UHRF2: variants seen among roughly 807,000 people sequenced by gnomAD.
UHRF2 encodes the protein E3 ubiquitin-protein ligase UHRF2.
UHRF2 carries 23 observed loss-of-function variants against 96.8 expected under a neutral mutation model. The ratio of observed to expected loss-of-function variants is 0.24; its 90% confidence interval spans 0.17 to 0.34. UHRF2 has a LOEUF of 0.34. Ranked by LOEUF, UHRF2 falls within the 10% of genes least tolerant of loss-of-function variation. The pLI is 1.00. For missense variants in UHRF2, 685 were observed against 981.5 expected, an observed-to-expected ratio of 0.70 and a Z score of 4.04; for synonymous variants, 385 against 332.6, an observed-to-expected ratio of 1.16 and a Z score of -1.72.
At chr9:6,460,291 A>G (rs1229936819) in intron 3 of UHRF2, among the ~76,000 whole-genome samples, 1 of 152,180 alleles carries the variant, frequency 6.6e-6, no homozygotes, top group Non-Finnish European at 1.5e-5. Flanking sequence ...CGGGCTGAAC[A>G]CTTACTTGCC....
chr9:6,417,529 A>G (rs1217348853), intron 1 of UHRF2, among the ~76,000 whole-genome samples: 1 of 152,218 alleles, frequency 6.6e-6, no homozygotes, highest in Non-Finnish European at 1.5e-5. Flanking sequence ...TTTCAAGTAA[A>G]TCATCTCAAC....
chr9:6,482,402 A>T (rs937323170), intron 8 of UHRF2, among the ~76,000 whole-genome samples: 1 of 152,198 alleles, frequency 6.6e-6, no homozygotes, highest in Admixed American at 6.5e-5. Flanking sequence ...TTGAAATATT[A>T]AACTTGAATC....
Position 6,413,587 on chromosome 9 carries a change from TG to T in UHRF2, c.100del (p.Ala34ArgfsTer32). 1 of 1,602,426 alleles carries T rather than the reference TG, an allele frequency of 6.2e-7. No homozygotes were observed. Among genetic ancestry groups the T allele is most frequent in the South Asian group, 1.1e-5 (1 of 89,654 alleles). ...ATIEELRERV[W>X]ALFDVRPECQ... ...GATTGAGGAGCTGCGCGAGCGGGTG[TG>T]GGCGCTGTTCGACGTGCGGCCCGAA... On this transcript the variant is annotated frameshift_variant, in exon 1 of 16. Transcript: ENST00000276893. LOFTEE classifies it high-confidence loss of function.
Position 6,428,533 on chromosome 9 carries a change from C to CTTTTTTTTTTTTT in UHRF2, c.385-5355_385-5343dup, listed in dbSNP as rs1171172143. Among the ~76,000 whole-genome samples the CTTTTTTTTTTTTT allele has an allele frequency of 6.7e-4, 44 of 65,420 alleles. 4 individuals carry two copies. The highest frequency in any genetic ancestry group is 8.7e-4 in the African/African-American group (13 of 15,004). 42.9% of individuals were successfully genotyped at this position (65,420 alleles called of 152,430 possible). On this transcript the variant is annotated intron_variant, in intron 2 of 15. Coordinates refer to ENST00000276893, the MANE Select transcript of UHRF2 (RefSeq NM_152896.3). Reference sequence around the variant, plus strand: ...TGTAAATGGAACCATATTGCTTTTGCTTTTTTTTTTTTTTTTTTTTTTTTT... The same window carrying CTTTTTTTTTTTTT: ...TGTAAATGGAACCATATTGCTTTTGCTTTTTTTTTTTTTTTTTTTTTTTTTTTTTTTTTTTTTT...
At chr9:6,421,437 G>T (rs1226303398) in intron 2 of UHRF2, among the ~76,000 whole-genome samples, 1 of 152,150 alleles carries the variant, frequency 6.6e-6, no homozygotes, top group Non-Finnish European at 1.5e-5. Flanking sequence ...TTTGATAACG[G>T]AGGCTTGCTC....
chr9:6,497,039 T>TG (rs1825013361), intron 10 of UHRF2, 159 bp from the exon 11 acceptor site: 3 of 689,426 alleles, frequency 4.4e-6, no homozygotes, highest in Admixed American at 3.1e-5. Flanking sequence ...TCTCTGCTGG[T>TG]GGGGGAAAGC....
At chr9:6,440,783 C>T (rs1191261720) in intron 3 of UHRF2, among the ~76,000 whole-genome samples, 1 of 152,186 alleles carries the variant, frequency 6.6e-6, no homozygotes, top group Non-Finnish European at 1.5e-5. Context: ...ACTAGTGTTC[C>T]TCAACCCTGG....
At chr9:6,499,779 C>A in intron 12 of UHRF2, 56 bp from the exon 13 acceptor site, 2 of 1,211,894 alleles carry the variant, frequency 1.7e-6, no homozygotes, top group Non-Finnish European at 2.3e-6. Flanking sequence ...ATCTAAACCC[C>A]CCTTCTCTGT....
At chr9:6,472,129 A>G (rs1033794376) in intron 4 of UHRF2, among the ~76,000 whole-genome samples, 1 of 152,178 alleles carries the variant, frequency 6.6e-6, no homozygotes, top group Non-Finnish European at 1.5e-5. Flanking sequence ...GGGTCCCATT[A>G]CAGTTACCGC....
intron 3 of UHRF2, among the ~76,000 whole-genome samples, chr9:6,457,573 C>G (rs1272101627): frequency 6.6e-6 from 1 of 152,158 alleles, no homozygotes; most frequent in Non-Finnish European, 1.5e-5. Context: ...GAGGCCATCC[C>G]TGTCTTGTGC....
intron 2 of UHRF2, among the ~76,000 whole-genome samples, chr9:6,423,667 C>G (rs1352254320): frequency 2.0e-5 from 3 of 149,428 alleles, no homozygotes; most frequent in Non-Finnish European, 4.4e-5. Flanking sequence ...AAGTCTCGGC[C>G]GGGCGTGGTG....
intron 2 of UHRF2, among the ~76,000 whole-genome samples, chr9:6,425,385 C>T (rs1820195584): frequency 6.6e-6 from 1 of 152,172 alleles, no homozygotes; most frequent in Non-Finnish European, 1.5e-5. Context: ...CAACATGCTT[C>T]AGGTACATCT....
intron 11 of UHRF2, among the ~76,000 whole-genome samples, 153 bp from the exon 12 acceptor site, chr9:6,497,865 T>G (rs1340521363): frequency 6.6e-6 from 1 of 152,206 alleles, no homozygotes; most frequent in Non-Finnish European, 1.5e-5. Flanking sequence ...GTCAAAACTG[T>G]TTTAGTGAAT....
rs527314485 is a variant in UHRF2 at position 6,478,665 on chromosome 9, G to C, written c.1160+857G>C. Among the ~76,000 whole-genome samples, 4 of 152,282 alleles carry C rather than the reference G, an allele frequency of 2.6e-5. No individual in the cohort carries two copies. In the East Asian group the frequency reaches 5.8e-4, roughly 22 times the overall value. On this transcript the variant is annotated intron_variant, in intron 6 of 15. Transcript: ENST00000276893. ...ATGTGCCATATTGCTACTGGTGAGC[G>C]TTTTTAAGTAAGACGGACGACTGAG...
Position 6,434,074 on chromosome 9 carries a change from C to A in UHRF2, c.545C>A (p.Ser182Tyr). 6.2e-7 allele frequency: 1 copy of A among 1,614,078 alleles called. No individual in the cohort carries two copies. Among genetic ancestry groups the A allele is most frequent in the Non-Finnish European group, 8.5e-7 (1 of 1,180,004 alleles). The change falls in exon 3 of 16, where the codon TCC (serine) becomes TAC (tyrosine). Residue 182 changes from serine (S) to tyrosine (Y), a missense_variant. Around this residue, in one of 6 missense-constraint regions of UHRF2, gnomAD observed 391 missense variants for 437.0 expected, o/e 0.89. Coordinates refer to ENST00000276893, the MANE Select transcript of UHRF2 (RefSeq NM_152896.3). ...ACTAATGGAAATATAAAGCATAAAT[C>A]CAAAGAGAACACAAATAAATTGGAC... ...KRTNGNIKHK[S>Y]KENTNKLDSV...
intron 4 of UHRF2, among the ~76,000 whole-genome samples, chr9:6,463,597 A>AGT (rs758299322): frequency 2.6e-5 from 4 of 151,772 alleles, no homozygotes; most frequent in Non-Finnish European, 5.9e-5. Context: ...CAGCCACCGG[A>AGT]GTAGCTGGAA....
chr9:6,417,915 G>A (rs1393160195), intron 1 of UHRF2, among the ~76,000 whole-genome samples: 1 of 152,098 alleles, frequency 6.6e-6, no homozygotes, highest in Admixed American at 6.5e-5. Context: ...CTCTGACTCT[G>A]GTCCCTCAAA....
Position 6,500,813 on chromosome 9 carries a change from C to T in UHRF2, c.2163+104C>T, listed in dbSNP as rs531292785. On this transcript the variant is annotated intron_variant, in intron 14 of 15. Coordinates refer to ENST00000276893, the MANE Select transcript of UHRF2 (RefSeq NM_152896.3). ...ACACATCAGTCAAAACTTCATCCTTCTACCCGGTTTTCTAATCCAGTGCCA... is the reference window on the plus strand; with the variant it reads ...ACACATCAGTCAAAACTTCATCCTTTTACCCGGTTTTCTAATCCAGTGCCA... 7.9e-5 allele frequency: 90 copies of T among 1,134,340 alleles called. No homozygotes were observed. In the African/African-American group the frequency reaches 1.3e-3, roughly 16 times the overall value. The allele number at this position is 1,134,340 out of a possible 1,614,324, so 70.3% of individuals were successfully genotyped here. A position where few individuals can be genotyped will look rare whatever the true frequency, so the allele number is the denominator to read the frequency against.
chr9:6,432,914 C>A (rs2130765000), intron 2 of UHRF2, among the ~76,000 whole-genome samples: 2 of 151,770 alleles, frequency 1.3e-5, no homozygotes, highest in South Asian at 4.2e-4. Flanking sequence ...GATCTCCGTT[C>A]ACTGCAACCT....
Sources: gnomAD v4.1 joint callset for allele counts (sites outside exome capture counted in the v4.1 genomes callset) on GRCh38, gnomAD v4.1.1 for gene constraint, gnomAD v4.1.1 regional missense constraint, MANE v1.5 for transcripts, NCBI Gene and HGNC (gene_info 2026-07-23, HGNC 2026-07-21) for gene names.